SPDL1: variants seen among roughly 807,000 people sequenced by gnomAD.
SPDL1 encodes the protein spindle apparatus coiled-coil protein 1.
SPDL1 carries 85 observed loss-of-function variants against 79.5 expected under a neutral mutation model. The observed-to-expected ratio is 1.07, with a 90% CI of 0.90 to 1.28. The LOEUF (loss-of-function observed/expected upper bound fraction) is 1.28. Ranked by LOEUF, SPDL1 falls within the 50% of genes most tolerant of loss-of-function variation. The pLI is 0.00. For synonymous variants in SPDL1, 269 were observed against 240.3 expected, an observed-to-expected ratio of 1.12 and a Z score of -1.10; for missense variants, 703 against 697.8, an observed-to-expected ratio of 1.01 and a Z score of -0.08.
In SPDL1 at chr5:169,591,160, T is replaced by C; in HGVS notation, c.272T>C (p.Leu91Pro). The C allele has an allele frequency of 6.2e-7, 1 of 1,613,970 alleles. No homozygotes were observed. Among genetic ancestry groups the C allele is most frequent in the Non-Finnish European group, 8.5e-7 (1 of 1,179,954 alleles). ...EAIKQQQKMH[L>P]EKLEEQLSRS... ...ATTAAACAACAACAAAAAATGCACC[T>C]GGAGAAATTGGAAGAACAACTAAGC... Residue 91 changes from leucine (L) to proline (P), a missense_variant, in exon 3 of 12, where the codon CTG (leucine) becomes CCG (proline). Physicochemically the swap from Leu to Pro is moderately conservative, Grantham distance 98. Coordinates refer to ENST00000265295, the MANE Select transcript of SPDL1 (RefSeq NM_017785.5).
chr5:169,599,120 G>A lies in SPDL1; in HGVS notation c.1285G>A (p.Ala429Thr). The A allele has an allele frequency of 6.3e-7, 1 of 1,582,354 alleles. No individual in the cohort carries two copies. Among genetic ancestry groups the A allele is most frequent in the Non-Finnish European group, 8.6e-7 (1 of 1,158,420 alleles). Residue 429 changes from alanine (A) to threonine (T), a missense_variant, in exon 10 of 12, where the codon GCT becomes ACT. By Grantham distance (58) the Ala-to-Thr change is moderately conservative. Coordinates refer to ENST00000265295, the MANE Select transcript of SPDL1 (RefSeq NM_017785.5). ...AGAAAGTGAAAATATGAAACTGAGA[G>A]CTAAACTAGATGAATTGAAACTAAA... ...LSESENMKLR[A>T]KLDELKLKYE...
chr5:169,590,970 T>C, intron 2 of SPDL1, 78 bp from the exon 3 acceptor site: 1 of 1,190,354 alleles, frequency 8.4e-7, no homozygotes, highest in Non-Finnish European at 1.2e-6. Flanking sequence ...AATGAAACAA[T>C]TGAAGTTGAA....
chr5:169,591,703 A>G (rs1476903869), intron 3 of SPDL1, among the ~76,000 whole-genome samples: 2 of 152,242 alleles, frequency 1.3e-5, no homozygotes, highest in African/African-American at 4.8e-5. Context: ...GAAAGGTACC[A>G]TTATCATTTC....
At chr5:169,588,149 T>G (rs567593153) in intron 1 of SPDL1, among the ~76,000 whole-genome samples, 1 of 152,236 alleles carries the variant, frequency 6.6e-6, no homozygotes, top group Admixed American at 6.5e-5. Context: ...GTGAACTGTT[T>G]AGAAGCAAAA....
In SPDL1 at chr5:169,584,724, A is replaced by T. The variant is rs561853373; in HGVS notation, c.-24+835A>T. Among the ~76,000 whole-genome samples, 5 of 151,976 alleles carry T rather than the reference A, an allele frequency of 3.3e-5. 1 individual carries two copies. In the South Asian group the frequency reaches 1.0e-3, roughly 32 times the overall value. On this transcript the variant is annotated intron_variant, in intron 1 of 11. Transcript: ENST00000265295. ...CTAGGTAGATTCTAGTTCCCATCAC[A>T]CTTCGCGTCTTAACTTGCGGGTAAC...
chr5:169,593,086 C>A (rs1161303500), intron 3 of SPDL1, among the ~76,000 whole-genome samples: 7 of 152,120 alleles, frequency 4.6e-5, no homozygotes, highest in Non-Finnish European at 1.0e-4. Flanking sequence ...TCATGCCAGT[C>A]ATTCTTCACA....
intron 3 of SPDL1, among the ~76,000 whole-genome samples, chr5:169,593,014 A>G (rs1581298550): frequency 1.3e-5 from 2 of 152,090 alleles, no homozygotes; most frequent in Admixed American, 6.6e-5. Flanking sequence ...GACCTTCATC[A>G]TCTCTTTCCT....
chr5:169,589,583 A>T (rs1407641065), intron 2 of SPDL1, among the ~76,000 whole-genome samples: 12 of 133,620 alleles, frequency 9.0e-5, no homozygotes, highest in South Asian at 2.4e-4. Context: ...TGAGTTGTTT[A>T]CCCCTCACTG....
rs1013805876 is a variant in SPDL1 at position 169,588,578 on chromosome 5, A to G, written c.159+3A>G. The G allele has an allele frequency of 1.2e-6, 2 of 1,609,906 alleles. No homozygotes were observed. Among genetic ancestry groups the G allele is most frequent in the Non-Finnish European group, 8.5e-7 (1 of 1,178,122 alleles). ...ATGAAATGATGACCATGACTGAGGT[A>G]GGACTCTGGACTCCTCTGTCTGCAA... On this transcript the variant is annotated splice_donor_region_variant and intron_variant, in intron 2 of 11. Coordinates refer to ENST00000265295, the MANE Select transcript of SPDL1 (RefSeq NM_017785.5).
chr5:169,597,232 TTGTGTGTGTGTGTGTGTG>T (rs56336716), intron 8 of SPDL1, among the ~76,000 whole-genome samples: 1 of 149,206 alleles, frequency 6.7e-6, no homozygotes, highest in African/African-American at 2.5e-5. Context: ...GTGTAAGCAT[TTGTGTGTGTGTGTGTGTG>T]TGTGTGTGTG....
chr5:169,586,719 T>C (rs1755002020), intron 1 of SPDL1, among the ~76,000 whole-genome samples: 1 of 152,220 alleles, frequency 6.6e-6, no homozygotes, highest in Non-Finnish European at 1.5e-5. Context: ...CATATTGACC[T>C]TACCTTCAAA....
intron 10 of SPDL1, among the ~76,000 whole-genome samples, chr5:169,599,794 G>C (rs1440389479): frequency 6.6e-6 from 1 of 152,158 alleles, no homozygotes; most frequent in East Asian, 1.9e-4. Context: ...GAAGAACAGT[G>C]AGCCAGGCGT....
chr5:169,598,641 A>G, intron 9 of SPDL1, 62 bp downstream of exon 9: 2 of 1,343,476 alleles, frequency 1.5e-6, no homozygotes, highest in Non-Finnish European at 2.1e-6. Flanking sequence ...TGGTAGTGTC[A>G]GTGACTACAA....
Position 169,592,413 on chromosome 5 carries a change from C to T in SPDL1, c.337-941C>T, listed in dbSNP as rs149487999. Among the ~76,000 whole-genome samples, 811 of 152,036 alleles carry T rather than the reference C, an allele frequency of 5.3e-3. 8 individuals are homozygous for T. The highest frequency in any genetic ancestry group is 0.018 in the African/African-American group (758 of 41,476). ...TTGTATTTTAATAGAGACAGGGTTT[C>T]ACCATGTTGGTCAGGCTGGTCTCTA... On this transcript the variant is annotated intron_variant, in intron 3 of 11. Transcript: ENST00000265295.
In SPDL1 at chr5:169,598,828, A is replaced by G. The variant is rs1345381176; in HGVS notation, c.1137-144A>G. 4.3e-6 allele frequency: 5 copies of G among 1,170,620 alleles called. No individual in the cohort carries two copies. The East Asian group carries it at 1.4e-4, about 32-fold the overall frequency. 72.5% of individuals were successfully genotyped at this position (1,170,620 alleles called of 1,614,324 possible). A position where few individuals can be genotyped will look rare whatever the true frequency, so the allele number is the denominator to read the frequency against. On this transcript the variant is annotated intron_variant, in intron 9 of 11. Coordinates refer to ENST00000265295, the MANE Select transcript of SPDL1 (RefSeq NM_017785.5). ...ACTACTATTGTTAAGGATTATTTAA[A>G]TTGTTTATTGTTTCTTTGTTACTAA...
chr5:169,602,871 G>A (rs994886902), intron 11 of SPDL1, among the ~76,000 whole-genome samples: 1 of 152,202 alleles, frequency 6.6e-6, no homozygotes, highest in East Asian at 1.9e-4. Context: ...GATTATGCCT[G>A]TTTATATGTG....
chr5:169,598,686 A>G (rs1234963919), intron 9 of SPDL1, 107 bp downstream of exon 9: 1 of 1,062,260 alleles, frequency 9.4e-7, no homozygotes, highest in Non-Finnish European at 1.4e-6. Flanking sequence ...AATTTTCCGA[A>G]AAGAAAGGTA....
chr5:169,598,620 C>T (rs756029323), intron 9 of SPDL1, 41 bp downstream of exon 9: 1 of 1,478,114 alleles, frequency 6.8e-7, no homozygotes, highest in East Asian at 2.3e-5. Flanking sequence ...GAACATGTCA[C>T]TTGCTTACTA....
At chr5:169,598,213 A>G (rs1755689374) in intron 8 of SPDL1, among the ~76,000 whole-genome samples, 2 of 152,212 alleles carry the variant, frequency 1.3e-5, no homozygotes, top group South Asian at 4.1e-4. Context: ...TAAGGCTAGA[A>G]GCCTAGGCCT....
Sources: gnomAD v4.1 joint callset for allele counts (sites outside exome capture counted in the v4.1 genomes callset) on GRCh38, gnomAD v4.1.1 for gene constraint, MANE v1.5 for transcripts, NCBI Gene and HGNC (gene_info 2026-07-23, HGNC 2026-07-21) for gene names.